The following ALKAL1 variants were observed in gnomAD, a reference collection of about 807,000 sequenced individuals.
ALKAL1 encodes the protein ALK and LTK ligand 1.
In ALKAL1, 23 loss-of-function variants were observed where a neutral mutation model predicts 13.5. That is an observed-to-expected ratio of 1.70 (90% confidence interval 1.23 to 2.41). The LOEUF is 2.41. Among genes scored for constraint, ALKAL1 ranks in the 30% most tolerant of loss-of-function variants. The pLI, the probability that ALKAL1 is intolerant of heterozygous loss-of-function variation, is 0.00. For synonymous variants in ALKAL1, 85 were observed against 77.7 expected, an observed-to-expected ratio of 1.09 and a Z score of -0.49; for missense variants, 181 against 178.4, an observed-to-expected ratio of 1.01 and a Z score of -0.08.
intron 1 of ALKAL1, among the ~76,000 whole-genome samples, chr8:52,545,610 TATTG>T (rs1847361480): frequency 6.9e-6 from 1 of 145,602 alleles, no homozygotes; most frequent in African/African-American, 2.5e-5. Flanking sequence ...ATCTTACACA[TATTG>T]ATTGATGTCT....
chr8:52,542,027 C>T (rs909871683), intron 2 of ALKAL1, among the ~76,000 whole-genome samples: 4 of 152,146 alleles, frequency 2.6e-5, no homozygotes, highest in African/African-American at 7.2e-5. Context: ...CTAAACCACA[C>T]CCGGTGTCTT....
intron 1 of ALKAL1, among the ~76,000 whole-genome samples, chr8:52,561,869 T>C (rs1251176289): frequency 6.6e-6 from 1 of 152,160 alleles, no homozygotes; most frequent in Non-Finnish European, 1.5e-5. Context: ...TGAAATCTCT[T>C]GAAAAGGCAG....
At chr8:52,564,747 C>T (rs1847583135) in intron 1 of ALKAL1, among the ~76,000 whole-genome samples, 1 of 152,184 alleles carries the variant, frequency 6.6e-6, no homozygotes, top group East Asian at 1.9e-4. Context: ...CTAACCTGTC[C>T]ACCACCCCTC....
chr8:52,543,718 A>G (rs1049579939), intron 1 of ALKAL1, among the ~76,000 whole-genome samples: 1 of 152,222 alleles, frequency 6.6e-6, no homozygotes, highest in African/African-American at 2.4e-5. Flanking sequence ...TGTACTTCTC[A>G]GAAACCAAAA....
intron 1 of ALKAL1, among the ~76,000 whole-genome samples, chr8:52,560,003 G>T (rs1463551613): frequency 1.3e-5 from 2 of 151,978 alleles, no homozygotes; most frequent in African/African-American, 4.8e-5. Flanking sequence ...GACTTTGGTA[G>T]GCTATGGGAT....
intron 1 of ALKAL1, among the ~76,000 whole-genome samples, chr8:52,551,275 G>A (rs1007219118): frequency 6.6e-5 from 10 of 151,874 alleles, no homozygotes; most frequent in African/African-American, 1.5e-4. Flanking sequence ...AAAAACTTCC[G>A]AAAATAGAAA....
chr8:52,538,607 T>G, intron 3 of ALKAL1, 100 bp from the exon 4 acceptor site: 1 of 736,134 alleles, frequency 1.4e-6, no homozygotes, highest in Non-Finnish European at 2.3e-6. Flanking sequence ...ATAACTACAG[T>G]TTAATAAATA....
chr8:52,560,172 T>C (rs1847533117), intron 1 of ALKAL1, among the ~76,000 whole-genome samples: 1 of 152,130 alleles, frequency 6.6e-6, no homozygotes, highest in Non-Finnish European at 1.5e-5. Context: ...CAATGAACGA[T>C]ATCATCAAAT....
At chr8:52,558,857 A>G (rs1433508131) in intron 1 of ALKAL1, among the ~76,000 whole-genome samples, 2 of 152,164 alleles carry the variant, frequency 1.3e-5, no homozygotes, top group African/African-American at 4.8e-5. Flanking sequence ...TTAAAGAAAA[A>G]AAAGCATACT....
At chr8:52,542,251 T>G in intron 2 of ALKAL1, 141 bp downstream of exon 2, 1 of 588,414 alleles carries the variant, frequency 1.7e-6, no homozygotes, top group South Asian at 2.4e-5. Context: ...TTAACACAAG[T>G]TAGTAGCATC....
chr8:52,565,347 C>T lies in ALKAL1; in HGVS notation c.-91G>A, dbSNP rs980790146. On this transcript the variant is annotated 5_prime_UTR_variant, in exon 1 of 5. Coordinates refer to ENST00000358543, the MANE Select transcript of ALKAL1 (RefSeq NM_207413.4). Reference sequence around the variant, plus strand: ...GCGGCCCAAGAGAAGGCCAGCGGGACCACAGCGCGGCTACGCGGCCGGCCG... The same window carrying T: ...GCGGCCCAAGAGAAGGCCAGCGGGATCACAGCGCGGCTACGCGGCCGGCCG... 4.7e-6 allele frequency: 5 copies of T among 1,059,100 alleles called. No individual in the cohort carries two copies. Among genetic ancestry groups the T allele is most frequent in the Admixed American group, 8.5e-5 (2 of 23,494 alleles). The allele number at this position is 1,059,100 out of a possible 1,614,324, so 65.6% of individuals were successfully genotyped here.
chr8:52,553,565 T>C (rs1847450594), intron 1 of ALKAL1, among the ~76,000 whole-genome samples: 1 of 152,180 alleles, frequency 6.6e-6, no homozygotes, highest in African/African-American at 2.4e-5. Flanking sequence ...AAAGATGCCT[T>C]GGGTTTCTTT....
At chr8:52,556,626 G>T (rs549861296) in intron 1 of ALKAL1, among the ~76,000 whole-genome samples, 1 of 109,096 alleles carries the variant, frequency 9.2e-6, no homozygotes, top group African/African-American at 3.5e-5. Context: ...CAGCCTGGGC[G>T]ACAGAGCGAA....
At chr8:52,542,114 C>T (rs1847319425) in intron 2 of ALKAL1, among the ~76,000 whole-genome samples, 2 of 152,270 alleles carry the variant, frequency 1.3e-5, no homozygotes, top group African/African-American at 4.8e-5. Flanking sequence ...CCCTTAAAGC[C>T]CACCTTAAAT....
chr8:52,557,196 A>C (rs1361332571), intron 1 of ALKAL1, among the ~76,000 whole-genome samples: 2 of 152,248 alleles, frequency 1.3e-5, no homozygotes. Flanking sequence ...TTTCAGGTTC[A>C]CCATGGCTGA....
At chr8:52,539,678 A>C (rs1847294175) in intron 3 of ALKAL1, among the ~76,000 whole-genome samples, 153 bp downstream of exon 3, 1 of 152,142 alleles carries the variant, frequency 6.6e-6, no homozygotes, top group East Asian at 1.9e-4. Context: ...AGTACACACA[A>C]ACCTTAGGTT....
At chr8:52,550,541 G>C (rs1477067065) in intron 1 of ALKAL1, among the ~76,000 whole-genome samples, 3 of 152,246 alleles carry the variant, frequency 2.0e-5, no homozygotes, top group Admixed American at 2.0e-4. Context: ...TGTTTTGTAG[G>C]GCTGCCATAA....
At position 52,538,503 on chromosome 8, in the gene ALKAL1, G is replaced by A; in HGVS notation, c.330C>T (p.Tyr110=). 1 of 1,603,708 alleles carries A rather than the reference G, an allele frequency of 6.2e-7. No individual in the cohort carries two copies. The stretch of plus-strand genomic sequence containing the variant: ...TTGTTAACAATCTAGCACATCTTTT[G>A]TAATCTAGGAAAAACATTTAAAGGT... ...NTRECSTPAY[Y]KRCARLLTRL... Residue 110 remains tyrosine, a synonymous_variant, in exon 4 of 5, where the codon TAC becomes TAT. Transcript: ENST00000358543.
Position 52,565,172 on chromosome 8 carries a change from G to C in ALKAL1, c.85C>G (p.Pro29Ala). The C allele has an allele frequency of 7.2e-7, 1 of 1,388,690 alleles. No individual in the cohort carries two copies. The highest frequency in any genetic ancestry group is 1.6e-5 in the South Asian group (1 of 62,142). 86.0% of individuals were successfully genotyped at this position (1,388,690 alleles called of 1,614,324 possible). The change falls in exon 1 of 5, where the codon CCC (proline) becomes GCC (alanine). Residue 29 changes from proline to alanine, a missense_variant. Physicochemically the swap from Pro to Ala is conservative, Grantham distance 27 (BLOSUM62 -1). Transcript: ENST00000358543. ...ALSPHGAHGR[P>A]RGRRGARVTD... ...ACGCGCGCTCCCCTGCGCCCCCGGG[G>C]CCTCCCGTGGGCTCCGTGCGGGGAC...
Sources: allele counts gnomAD v4.1 joint callset (sites outside exome capture counted in the v4.1 genomes callset), GRCh38; gene constraint gnomAD v4.1.1; transcripts MANE v1.5; gene names NCBI Gene and HGNC (gene_info 2026-07-23, HGNC 2026-07-21).